Variants in FAM149B1 observed in about 807,000 individuals in gnomAD.
FAM149B1 encodes the protein primary cilium assembly protein FAM149B1.
A neutral mutation model predicts 75.3 loss-of-function variants in FAM149B1; 56 were observed. That is an observed-to-expected ratio of 0.74 (90% CI 0.60 to 0.93). The LOEUF is 0.93. Among genes scored for constraint, FAM149B1 ranks in the 40% least tolerant of loss-of-function variants. The pLI is 0.00. For missense variants in FAM149B1, 639 were observed against 708.4 expected, an observed-to-expected ratio of 0.90 and a Z score of 1.11; for synonymous variants, 259 against 256.1, an observed-to-expected ratio of 1.01 and a Z score of -0.11.
At chr10:73,239,247 C>G in intron 12 of FAM149B1, 65 bp from the exon 13 acceptor site, 1 of 1,370,978 alleles carries the variant, frequency 7.3e-7, no homozygotes, top group Non-Finnish European at 1.0e-6. Context: ...TCCTGTGAAC[C>G]TGCTAAAATA....
chr10:73,199,461 C>A (rs931428962), intron 5 of FAM149B1, among the ~76,000 whole-genome samples: 3 of 152,138 alleles, frequency 2.0e-5, no homozygotes, highest in Non-Finnish European at 4.4e-5. Flanking sequence ...TCATGGTCCA[C>A]CCTCCTCAGC....
At chr10:73,196,496 A>T (rs1261275139) in intron 5 of FAM149B1, among the ~76,000 whole-genome samples, 1 of 152,200 alleles carries the variant, frequency 6.6e-6, no homozygotes, top group Non-Finnish European at 1.5e-5. Flanking sequence ...TATGAAGAAA[A>T]TGTGTCATTA....
Position 73,243,986 on chromosome 10 carries a change from C to T in FAM149B1, c.*2967C>T, listed in dbSNP as rs1169059895. The T allele has an allele frequency of 1.4e-6, 2 of 1,407,818 alleles. No homozygotes were observed. The highest frequency in any genetic ancestry group is 1.8e-4 in the Middle Eastern group (1 of 5,560). The allele number at this position is 1,407,818 out of a possible 1,614,324, so 87.2% of individuals were successfully genotyped here. A position where few individuals can be genotyped will look rare whatever the true frequency, so the allele number is the denominator to read the frequency against. ...CACCAGGAAATGCTTAAAATACATA[C>T]TCTTTCCCAAAAGCAAATCTATAAT... On this transcript the variant is annotated 3_prime_UTR_variant, in exon 14 of 14. Transcript: ENST00000242505.
intron 10 of FAM149B1, 49 bp from the exon 11 acceptor site, chr10:73,234,768 T>C: frequency 3.2e-6 from 5 of 1,543,520 alleles, no homozygotes; most frequent in Non-Finnish European, 1.7e-6. Flanking sequence ...GCTGGTATTG[T>C]TATAACTTCA....
intron 7 of FAM149B1, among the ~76,000 whole-genome samples, chr10:73,227,584 T>A (rs1301309566): frequency 6.6e-6 from 1 of 152,194 alleles, no homozygotes; most frequent in African/African-American, 2.4e-5. Flanking sequence ...TAACTTTACC[T>A]GTGGGAATTG....
chr10:73,237,346 CCTT>C (rs2043843971), intron 12 of FAM149B1, among the ~76,000 whole-genome samples: 3 of 152,270 alleles, frequency 2.0e-5, no homozygotes, highest in African/African-American at 4.8e-5. Flanking sequence ...ACTGAATTTG[CCTT>C]CTTATAATCT....
At chr10:73,240,270 T>C (rs954311205) in intron 13 of FAM149B1, among the ~76,000 whole-genome samples, 9 of 152,146 alleles carry the variant, frequency 5.9e-5, no homozygotes, top group African/African-American at 2.2e-4. Context: ...GCAACTATGG[T>C]AAAAAACTAG....
At chr10:73,192,263 C>A (rs1361748371) in intron 3 of FAM149B1, 3 of 116,438 alleles carry the variant, frequency 2.6e-5, no homozygotes, top group Non-Finnish European at 4.7e-5. Context: ...GGAGAGGAAA[C>A]AAAGAAATCC....
At position 73,168,175 on chromosome 10, in the gene FAM149B1, G is replaced by A. The variant is rs1190335368; in HGVS notation, c.-165G>A. ...GGAGGACTGGAGAGGTGGGGACCCTGGGGAGGTGGCTGCTCGGAGTCTAGG... is the reference window on the plus strand; with the variant it reads ...GGAGGACTGGAGAGGTGGGGACCCTAGGGAGGTGGCTGCTCGGAGTCTAGG... On this transcript the variant is annotated 5_prime_UTR_variant, in exon 1 of 14. Coordinates refer to ENST00000242505, the MANE Select transcript of FAM149B1 (RefSeq NM_173348.2). 2.9e-6 allele frequency: 2 copies of A among 689,608 alleles called. No individual in the cohort carries two copies. The highest frequency in any genetic ancestry group is 4.2e-4 in the Middle Eastern group (1 of 2,390). The allele number at this position is 689,608 out of a possible 1,614,324, so 42.7% of individuals were successfully genotyped here.
chr10:73,175,183 A>C (rs1008810906), intron 2 of FAM149B1, among the ~76,000 whole-genome samples: 2 of 152,122 alleles, frequency 1.3e-5, no homozygotes, highest in African/African-American at 4.8e-5. Context: ...CAACATGGCA[A>C]ACCCCATCTC....
intron 3 of FAM149B1, among the ~76,000 whole-genome samples, chr10:73,188,861 T>A (rs1040632559): frequency 6.7e-6 from 1 of 150,132 alleles, no homozygotes; most frequent in Non-Finnish European, 1.5e-5. Flanking sequence ...CTGACTTGTA[T>A]CCAAAGTATA....
chr10:73,232,874 G>A (rs542493965), intron 9 of FAM149B1, 65 bp from the exon 10 acceptor site: 58 of 976,280 alleles, frequency 5.9e-5, no homozygotes, highest in African/African-American at 2.4e-4. Context: ...TTTTTACCCC[G>A]TTAGTCTTGT....
chr10:73,219,936 A>G (rs934129429), intron 7 of FAM149B1, among the ~76,000 whole-genome samples: 1 of 152,032 alleles, frequency 6.6e-6, no homozygotes, highest in African/African-American at 2.4e-5. Context: ...TTTGTGCTAT[A>G]AAAGACATTA....
chr10:73,171,663 C>T lies in FAM149B1; in HGVS notation c.48-3024C>T, dbSNP rs1275767735. On this transcript the variant is annotated intron_variant, in intron 1 of 13. Coordinates refer to ENST00000242505, the MANE Select transcript of FAM149B1 (RefSeq NM_173348.2). ...TTTTTTTTTGAGACAGAGTCTCACT[C>T]TGTCGCCCAGGCTGGAGTGTAGTAG... is the stretch of plus-strand genomic sequence containing the variant. Among the ~76,000 whole-genome samples, 3 of 147,544 alleles carry T rather than the reference C, an allele frequency of 2.0e-5. No individual in the cohort carries two copies. The Admixed American group carries it at 2.0e-4, about 10-fold the overall frequency.
Position 73,168,312 on chromosome 10 carries a change from G to A in FAM149B1, c.-28G>A, listed in dbSNP as rs1589125787. The A allele has an allele frequency of 7.5e-6, 11 of 1,473,480 alleles. No homozygotes were observed. Among genetic ancestry groups the A allele is most frequent in the Non-Finnish European group, 1.0e-5 (11 of 1,088,806 alleles). The allele number at this position is 1,473,480 out of a possible 1,614,324, so 91.3% of individuals were successfully genotyped here. Reference sequence around the variant, plus strand: ...CGTGCCTGCCCCGGCCGCGGCTGAGGAGGAGGAGGAGGAGGAGGAGGAGGA... The same window carrying A: ...CGTGCCTGCCCCGGCCGCGGCTGAGAAGGAGGAGGAGGAGGAGGAGGAGGA... On this transcript the variant is annotated 5_prime_UTR_variant, in exon 1 of 14. Coordinates refer to ENST00000242505, the MANE Select transcript of FAM149B1 (RefSeq NM_173348.2).
intron 7 of FAM149B1, among the ~76,000 whole-genome samples, chr10:73,227,315 C>T (rs2043574923): frequency 6.6e-6 from 1 of 152,096 alleles, no homozygotes; most frequent in Non-Finnish European, 1.5e-5. Context: ...TCTTGAACTA[C>T]TGGCCTCAAG....
At chr10:73,235,407 C>G (rs1589195669) in intron 12 of FAM149B1, 89 bp downstream of exon 12, 9 of 1,524,954 alleles carry the variant, frequency 5.9e-6, no homozygotes, top group Non-Finnish European at 7.9e-6. Flanking sequence ...AAGATTTTAT[C>G]TAGAGGCTTA....
chr10:73,214,181 T>C (rs2043247348), intron 7 of FAM149B1, among the ~76,000 whole-genome samples: 1 of 152,226 alleles, frequency 6.6e-6, no homozygotes, highest in Non-Finnish European at 1.5e-5. Context: ...ATCCTGAAAC[T>C]ACTAAATTTA....
At chr10:73,202,489 A>G (rs771099756) in intron 5 of FAM149B1, among the ~76,000 whole-genome samples, 1 of 151,684 alleles carries the variant, frequency 6.6e-6, no homozygotes, top group African/African-American at 2.4e-5. Context: ...CTGCAGTGCA[A>G]TGGCGTGATC....
Sources: allele counts gnomAD v4.1 joint callset (sites outside exome capture counted in the v4.1 genomes callset), GRCh38; gene constraint gnomAD v4.1.1; transcripts MANE v1.5; gene names NCBI Gene and HGNC (gene_info 2026-07-23, HGNC 2026-07-21).